CACNG4: variants seen among roughly 807,000 people sequenced by gnomAD.
The protein encoded by CACNG4 is calcium voltage-gated channel auxiliary subunit gamma 4, also known as voltage-dependent calcium channel gamma-4 subunit.
Under a neutral mutation model 22.9 loss-of-function variants are expected in CACNG4, and 8 were observed. The observed-to-expected ratio is 0.35, with a 90% CI of 0.21 to 0.63. The LOEUF is 0.63. Among genes scored for constraint, CACNG4 ranks in the 30% least tolerant of loss-of-function variants. CACNG4 has a pLI of 0.72. For synonymous variants in CACNG4, 188 were observed against 191.9 expected (o/e 0.98, Z 0.17); for missense variants, 357 against 455.4 (o/e 0.78, Z 1.97).
At chr17:67,006,450 G>C (rs2035438390) in intron 1 of CACNG4, among the ~76,000 whole-genome samples, 1 of 152,182 alleles carries the variant, frequency 6.6e-6, no homozygotes, top group African/African-American at 2.4e-5. Flanking sequence ...CTCAGCCTCA[G>C]TACTGTCTCC....
intron 1 of CACNG4, among the ~76,000 whole-genome samples, chr17:66,981,389 C>T (rs745766536): frequency 1.3e-5 from 2 of 152,184 alleles, no homozygotes; most frequent in Non-Finnish European, 2.9e-5. Context: ...CATCTTCGAC[C>T]CTTAATAGCC....
intron 1 of CACNG4, among the ~76,000 whole-genome samples, chr17:67,009,531 T>A (rs1201948117): frequency 6.6e-6 from 1 of 150,992 alleles, no homozygotes; most frequent in Non-Finnish European, 1.5e-5. Context: ...CAACCTGAAG[T>A]CACGCCCTCC....
In CACNG4 at chr17:66,984,693, T is replaced by A. The variant is rs2143296480; in HGVS notation, c.220+19562T>A. Among the ~76,000 whole-genome samples the A allele has an allele frequency of 6.6e-6, 1 of 152,254 alleles. No homozygotes were observed. The highest frequency in any genetic ancestry group is 2.4e-5 in the African/African-American group (1 of 41,548). ...GTTCAGAATGACATGACCTCCCACT[T>A]GTTCCTGCCTCGCCATCTGCTTGTG... On this transcript the variant is annotated intron_variant, in intron 1 of 3. Transcript: ENST00000262138. The surrounding 1 kb of genome is among the most constrained non-coding windows in gnomAD (Gnocchi z 4.0).
intron 2 of CACNG4, among the ~76,000 whole-genome samples, chr17:67,024,247 C>G (rs781757630): frequency 9.9e-5 from 15 of 152,196 alleles, no homozygotes; most frequent in African/African-American, 1.4e-4. Flanking sequence ...ATGGCCAGGC[C>G]CAGTGCTATG....
At chr17:67,002,882 A>G (rs1270863865) in intron 1 of CACNG4, among the ~76,000 whole-genome samples, 1 of 152,254 alleles carries the variant, frequency 6.6e-6, no homozygotes, top group Non-Finnish European at 1.5e-5. Context: ...TGCAGGGAAT[A>G]TAGTTTTCAA....
Position 67,031,783 on chromosome 17 carries a change from TCCATCGGTCAGGGGAATGGCGG to T in CACNG4, c.*783_*804del. ...GACTGGACTTCAGAGTCTGGAGGGTTCCATCGGTCAGGGGAATGGCGGCCACGTGACCTCTTGCCGTGCCCCT... is the reference window on the plus strand; with the variant it reads ...GACTGGACTTCAGAGTCTGGAGGGTTCCACGTGACCTCTTGCCGTGCCCCT... On this transcript the variant is annotated 3_prime_UTR_variant, in exon 4 of 4. Transcript: ENST00000262138. This position sits in a 1 kb window ranked among gnomAD's most constrained non-coding sequence, Gnocchi z 4.0. 4.4e-6 allele frequency: 2 copies of T among 456,710 alleles called. No individual in the cohort carries two copies. The highest frequency in any genetic ancestry group is 8.8e-6 in the Non-Finnish European group (2 of 226,974). 28.3% of individuals were successfully genotyped at this position (456,710 alleles called of 1,614,324 possible).
At chr17:66,965,360 C>T (rs1469859711) in intron 1 of CACNG4, among the ~76,000 whole-genome samples, 1 of 150,606 alleles carries the variant, frequency 6.6e-6, no homozygotes, top group Non-Finnish European at 1.5e-5. Context: ...TCCCTCTCGG[C>T]TGGGGACCTC....
rs58727233 is a variant in CACNG4 at position 67,002,618 on chromosome 17, T to TTCTCTCTCTCTCTC, written c.221-15556_221-15543dup. On this transcript the variant is annotated intron_variant, in intron 1 of 3. Transcript: ENST00000262138. ...CTCTCTCCACCTCTCATCTCTCTCT[T>TTCTCTCTCTCTCTC]TCTCTCTCTCTCTCTCTCTCTCTCT... Among the ~76,000 whole-genome samples the TTCTCTCTCTCTCTC allele has an allele frequency of 3.5e-3, 515 of 145,532 alleles. 4 individuals carry two copies. The highest frequency in any genetic ancestry group is 0.018 in the Middle Eastern group (5 of 280).
chr17:66,977,316 C>T (rs1425365412), intron 1 of CACNG4, among the ~76,000 whole-genome samples: 5 of 152,036 alleles, frequency 3.3e-5, no homozygotes, highest in South Asian at 4.2e-4. Flanking sequence ...GGATCCAGCC[C>T]GCCCCACGGA....
intron 1 of CACNG4, among the ~76,000 whole-genome samples, chr17:67,000,264 C>T (rs1320692392): frequency 5.3e-5 from 8 of 152,162 alleles, no homozygotes; most frequent in African/African-American, 7.2e-5. Context: ...GCTTAACTCA[C>T]GATGACTGTT....
At chr17:67,007,891 G>A (rs768269969) in intron 1 of CACNG4, among the ~76,000 whole-genome samples, 11 of 152,170 alleles carry the variant, frequency 7.2e-5, no homozygotes, top group Admixed American at 5.2e-4. Flanking sequence ...CCCATGGCAG[G>A]TTGGGAGGGA....
At chr17:66,999,629 C>G (rs1323074158) in intron 1 of CACNG4, among the ~76,000 whole-genome samples, 2 of 152,162 alleles carry the variant, frequency 1.3e-5, no homozygotes, top group African/African-American at 4.8e-5. Flanking sequence ...TGAGAACTCA[C>G]TCACTATCAG....
In CACNG4 at chr17:67,016,328, C is replaced by T. The variant is rs188132325; in HGVS notation, c.221-1861C>T. On this transcript the variant is annotated intron_variant, in intron 1 of 3. Transcript: ENST00000262138. The stretch of plus-strand genomic sequence containing the variant: ...CCTCTGAGACCCTCCCTCTGCCTCC[C>T]CACCATCCTGCCCCCCACCGCTGGC... Among the ~76,000 whole-genome samples, 36 of 152,256 alleles carry T rather than the reference C, an allele frequency of 2.4e-4. 1 individual carries two copies. Among genetic ancestry groups the T allele is most frequent in the Admixed American group, 2.3e-3 (35 of 15,300 alleles).
intron 1 of CACNG4, among the ~76,000 whole-genome samples, chr17:67,014,437 A>T (rs77154359): frequency 6.6e-6 from 1 of 152,174 alleles, no homozygotes; most frequent in Non-Finnish European, 1.5e-5. Context: ...TGAAAAAAAA[A>T]TCCTAGGAGA....
chr17:67,026,445 T>C, intron 3 of CACNG4, among the ~76,000 whole-genome samples: 1 of 148,556 alleles, frequency 6.7e-6, no homozygotes, highest in African/African-American at 2.5e-5. Context: ...ATTTGAGGAA[T>C]GTGGTGTATG....
chr17:66,988,115 C>T (rs918011454), intron 1 of CACNG4, among the ~76,000 whole-genome samples: 2 of 151,682 alleles, frequency 1.3e-5, no homozygotes, highest in Non-Finnish European at 2.9e-5. Context: ...CACAGAGCTA[C>T]CACCCTGATA....
In CACNG4 at chr17:67,027,037, GAA is replaced by G. The variant is rs2035572341; in HGVS notation, c.445+2038_445+2039del. Reference sequence around the variant, plus strand: ...GAGCGTCCTCCCCACGGCAGGGAGAGAATACTCCAGTCACATCAGAAACCACA... The same window carrying G: ...GAGCGTCCTCCCCACGGCAGGGAGAGTACTCCAGTCACATCAGAAACCACA... On this transcript the variant is annotated intron_variant, in intron 3 of 3. Coordinates refer to ENST00000262138, the MANE Select transcript of CACNG4 (RefSeq NM_014405.4). This position sits in a 1 kb window ranked among gnomAD's most constrained non-coding sequence, Gnocchi z 4.3. 6.6e-6 allele frequency among the ~76,000 whole-genome samples: 1 copy of G among 152,148 alleles called. No individual in the cohort carries two copies. Among genetic ancestry groups the G allele is most frequent in the Non-Finnish European group, 1.5e-5 (1 of 68,016 alleles).
chr17:67,021,147 G>A (rs557805855), intron 2 of CACNG4, among the ~76,000 whole-genome samples: 1 of 151,944 alleles, frequency 6.6e-6, no homozygotes, highest in Non-Finnish European at 1.5e-5. Context: ...GCTGCAGTGA[G>A]CCACGATCGT....
intron 1 of CACNG4, among the ~76,000 whole-genome samples, chr17:67,000,486 G>A (rs1389467446): frequency 1.3e-5 from 2 of 152,138 alleles, no homozygotes; most frequent in Non-Finnish European, 2.9e-5. Flanking sequence ...CTGAGGCTGA[G>A]TGATCTGTGC....
Sources: allele counts gnomAD v4.1 joint callset (sites outside exome capture counted in the v4.1 genomes callset), GRCh38; gene constraint gnomAD v4.1.1; non-coding constraint Gnocchi (gnomAD v3.1); transcripts MANE v1.5; gene names NCBI Gene and HGNC (gene_info 2026-07-23, HGNC 2026-07-21).